The following PDLIM5 variants were observed in gnomAD, a reference collection of about 807,000 sequenced individuals.
The protein encoded by PDLIM5 is PDZ and LIM domain 5.
In PDLIM5, 34 loss-of-function variants were observed where a neutral mutation model predicts 64.2. The ratio of observed to expected loss-of-function variants is 0.53; its 90% CI spans 0.40 to 0.71. PDLIM5 has a LOEUF of 0.71. Ranked by LOEUF, PDLIM5 falls within the 30% of genes least tolerant of loss-of-function variation. The pLI, the probability that PDLIM5 is intolerant of heterozygous loss-of-function variation, is 0.00. For missense variants in PDLIM5, 683 were observed against 733.6 expected, an observed-to-expected ratio of 0.93 and a Z score of 0.80; for synonymous variants, 253 against 269.1, an observed-to-expected ratio of 0.94 and a Z score of 0.59.
chr4:94,498,345 A>T (rs1267146608), intron 2 of PDLIM5, among the ~76,000 whole-genome samples: 1 of 152,218 alleles, frequency 6.6e-6, no homozygotes, highest in Non-Finnish European at 1.5e-5. Context: ...TTTTGCTATC[A>T]TAATGACATA....
chr4:94,510,295 C>T (rs1728755653), intron 2 of PDLIM5, among the ~76,000 whole-genome samples: 2 of 151,960 alleles, frequency 1.3e-5, no homozygotes. Context: ...TGAGAAATAC[C>T]CATGTTTGCT....
Position 94,665,586 on chromosome 4 carries a change from C to G in PDLIM5, c.*1519C>G, listed in dbSNP as rs1743043894. The stretch of plus-strand genomic sequence containing the variant: ...TTATACCCCCCAATTGTTTTTCAAT[C>G]CCCTTTTCTCAAATAATAAATTAGT... On this transcript the variant is annotated 3_prime_UTR_variant, in exon 13 of 13. Transcript: ENST00000317968. 3 of 979,126 alleles carry G rather than the reference C, an allele frequency of 3.1e-6. No individual in the cohort carries two copies. The South Asian group carries it at 1.4e-4, about 46-fold the overall frequency. 60.7% of individuals were successfully genotyped at this position (979,126 alleles called of 1,614,324 possible).
rs560043930 is a variant in PDLIM5 at position 94,523,946 on chromosome 4, A to G, written c.248+71A>G. 3.9e-4 allele frequency: 427 copies of G among 1,103,004 alleles called. 3 individuals carry two copies. The Middle Eastern group carries it at 0.014, about 36-fold the overall frequency. The allele number at this position is 1,103,004 out of a possible 1,614,324, so 68.3% of individuals were successfully genotyped here. On this transcript the variant is annotated intron_variant, in intron 3 of 12. Coordinates refer to ENST00000317968, the MANE Select transcript of PDLIM5 (RefSeq NM_006457.5). ...GAATGTGTTTTTGTGTGTCTGACTC[A>G]CGGTGTTAACTAAGACTCAGTTTCT...
Position 94,478,255 on chromosome 4 carries a change from C to CAA in PDLIM5, c.96+22888_96+22889dup, listed in dbSNP as rs1156675410. 4.7e-3 allele frequency among the ~76,000 whole-genome samples: 353 copies of CAA among 74,430 alleles called. 1 individual carries two copies. Among genetic ancestry groups the CAA allele is most frequent in the African/African-American group, 0.011 (320 of 28,838 alleles). The allele number at this position is 74,430 out of a possible 152,430, so 48.8% of individuals were successfully genotyped here. ...TGGGCAACAGAGCCAGACTCCGTCT[C>CAA]AAAAAAAAAAAAAAAAAAGAATATA... On this transcript the variant is annotated intron_variant, in intron 2 of 12. Transcript: ENST00000317968.
intron 7 of PDLIM5, among the ~76,000 whole-genome samples, chr4:94,590,462 G>A (rs1736588629): frequency 6.6e-6 from 1 of 152,078 alleles, no homozygotes; most frequent in Admixed American, 6.5e-5. Context: ...TAAATGCCAG[G>A]CACTAATCAA....
intron 9 of PDLIM5, among the ~76,000 whole-genome samples, chr4:94,641,229 T>C (rs1239722395): frequency 6.6e-6 from 1 of 152,246 alleles, no homozygotes; most frequent in Non-Finnish European, 1.5e-5. Context: ...CTCTCTTCTT[T>C]TTAAATTTAT....
rs772999461 is a variant in PDLIM5 at position 94,666,057 on chromosome 4, T to C, written c.*1990T>C. On this transcript the variant is annotated 3_prime_UTR_variant, in exon 13 of 13. Transcript: ENST00000317968. ...GAAAGTCCATGAACCTCCTAAGTTA[T>C]AATTTAAATTTGTTTGGGGCAAGGT... is the stretch of plus-strand genomic sequence containing the variant. 1.3e-6 allele frequency: 2 copies of C among 1,527,434 alleles called. No homozygotes were observed. The highest frequency in any genetic ancestry group is 2.4e-5 in the South Asian group (2 of 83,532). The allele number at this position is 1,527,434 out of a possible 1,614,324, so 94.6% of individuals were successfully genotyped here.
chr4:94,608,153 T>C, intron 7 of PDLIM5: 8 of 1,531,312 alleles, frequency 5.2e-6, no homozygotes, highest in South Asian at 1.2e-5. Flanking sequence ...GGCCACACTT[T>C]CTAAAGTAGC....
chr4:94,641,111 G>GT (rs1740970969), intron 9 of PDLIM5, among the ~76,000 whole-genome samples: 1 of 152,176 alleles, frequency 6.6e-6, no homozygotes, highest in South Asian at 2.1e-4. Flanking sequence ...ATGTTAGGTG[G>GT]TGTAGGCACC....
chr4:94,482,296 A>G (rs1175006600), intron 2 of PDLIM5, among the ~76,000 whole-genome samples: 2 of 152,038 alleles, frequency 1.3e-5, no homozygotes, highest in African/African-American at 4.8e-5. Flanking sequence ...TCAGTGCCCA[A>G]AATGTTGGGA....
chr4:94,620,737 G>T (rs1233894034), intron 8 of PDLIM5, among the ~76,000 whole-genome samples: 1 of 151,854 alleles, frequency 6.6e-6, no homozygotes, highest in Non-Finnish European at 1.5e-5. Context: ...ATAGTGGCAT[G>T]TGTTAACATG....
In PDLIM5 at chr4:94,665,094, A is replaced by C; in HGVS notation, c.*1027A>C. 1.0e-6 allele frequency: 1 copy of C among 957,602 alleles called. No homozygotes were observed. The highest frequency in any genetic ancestry group is 4.8e-5 in the South Asian group (1 of 20,792). The allele number at this position is 957,602 out of a possible 1,614,324, so 59.3% of individuals were successfully genotyped here. A position where few individuals can be genotyped will look rare whatever the true frequency, so the allele number is the denominator to read the frequency against. ...TTCTATTCATTGTGTATGCTTCATC[A>C]CCTATATTAGGCAAATTCCATTTTT... On this transcript the variant is annotated 3_prime_UTR_variant, in exon 13 of 13. Transcript: ENST00000317968.
chr4:94,519,041 C>T (rs1237170728), intron 2 of PDLIM5, among the ~76,000 whole-genome samples: 3 of 152,178 alleles, frequency 2.0e-5, no homozygotes, highest in Non-Finnish European at 4.4e-5. Flanking sequence ...CTTTAGGAAT[C>T]GATTTTGGGA....
intron 3 of PDLIM5, among the ~76,000 whole-genome samples, chr4:94,529,938 A>T (rs1035971368): frequency 2.7e-4 from 41 of 152,302 alleles, no homozygotes; most frequent in African/African-American, 9.6e-4. Flanking sequence ...ATCATTTTTT[A>T]AAATTACATT....
intron 11 of PDLIM5, among the ~76,000 whole-genome samples, chr4:94,658,571 C>G (rs577772112): frequency 6.6e-6 from 1 of 152,320 alleles, no homozygotes; most frequent in African/African-American, 2.4e-5. Context: ...CCTTGAAATT[C>G]AAAGCTCTGT....
intron 7 of PDLIM5, among the ~76,000 whole-genome samples, chr4:94,589,438 GATAA>G (rs1352854246): frequency 6.6e-6 from 1 of 152,166 alleles, no homozygotes; most frequent in Non-Finnish European, 1.5e-5. Flanking sequence ...TGAGTGTGAG[GATAA>G]ATATTCAGCC....
intron 8 of PDLIM5, among the ~76,000 whole-genome samples, chr4:94,627,146 C>A (rs143885063): frequency 0.012 from 1,829 of 152,286 alleles, 22 homozygotes; most frequent in Non-Finnish European, 0.02. Context: ...ATTTTGACAT[C>A]ATTAAACTAA....
intron 3 of PDLIM5, among the ~76,000 whole-genome samples, chr4:94,550,701 G>A (rs935214618): frequency 9.9e-5 from 15 of 152,114 alleles, no homozygotes; most frequent in Non-Finnish European, 1.6e-4. Flanking sequence ...GAATTCTGTG[G>A]TGGTCAACTG....
rs1461315023 is a variant in PDLIM5, at chr4:94,665,931, G to A, written c.*1864G>A. 4.0e-6 allele frequency: 6 copies of A among 1,508,732 alleles called. No homozygotes were observed. In the African/African-American group the frequency reaches 7.0e-5, roughly 17 times the overall value. The allele number at this position is 1,508,732 out of a possible 1,614,324, so 93.5% of individuals were successfully genotyped here. ...TATGTAGATACCACATGGAGACAGG[G>A]AAACAATTGTGGTAAAACTGTGGAT... On this transcript the variant is annotated 3_prime_UTR_variant, in exon 13 of 13. Transcript: ENST00000317968.
Sources: allele counts gnomAD v4.1 joint callset (sites outside exome capture counted in the v4.1 genomes callset), GRCh38; gene constraint gnomAD v4.1.1; transcripts MANE v1.5; gene names NCBI Gene and HGNC (gene_info 2026-07-23, HGNC 2026-07-21).